Variants in ZHX3 observed in about 807,000 individuals in gnomAD.
ZHX3 encodes zinc fingers and homeoboxes protein 3.
A neutral mutation model predicts 64.5 loss-of-function variants in ZHX3; 20 were observed. That is an observed-to-expected ratio of 0.31 (90% CI 0.22 to 0.45). The LOEUF is 0.45. Ranked by LOEUF, ZHX3 falls within the 20% of genes least tolerant of loss-of-function variation. The probability of loss-of-function intolerance (pLI) is 1.00; values close to 1 mark genes in which losing one functional copy is unlikely to be tolerated. For missense variants in ZHX3, 1,041 were observed against 1,195.8 expected (o/e 0.87, Z 1.91); for synonymous variants, 423 against 461.6 (o/e 0.92, Z 1.07).
chr20:41,263,530 G>A (rs960209783), intron 2 of ZHX3, among the ~76,000 whole-genome samples: 3 of 151,838 alleles, frequency 2.0e-5, no homozygotes, highest in African/African-American at 7.3e-5. Context: ...GAGTAGCTGG[G>A]ACTACACGTG....
At position 41,224,564 on chromosome 20, in the gene ZHX3, C is replaced by A. The variant is rs770914229; in HGVS notation, c.-150-19498G>T. 6.6e-6 allele frequency among the ~76,000 whole-genome samples: 1 copy of A among 152,148 alleles called. No individual in the cohort carries two copies. Among genetic ancestry groups the A allele is most frequent in the Non-Finnish European group, 1.5e-5 (1 of 68,014 alleles). ...CATCCTATTACCATGACTAATACAA[C>A]CAAAAACTGAGCTAGATACAAGTTC... On this transcript the variant is annotated intron_variant, in intron 2 of 3. Coordinates refer to ENST00000683867, the MANE Select transcript of ZHX3 (RefSeq NM_001384317.1). This position sits in a 1 kb window ranked among gnomAD's most constrained non-coding sequence, Gnocchi z 5.2.
At chr20:41,215,513 T>C (rs1438490022) in intron 2 of ZHX3, among the ~76,000 whole-genome samples, 1 of 152,002 alleles carries the variant, frequency 6.6e-6, no homozygotes, top group Admixed American at 6.5e-5. Flanking sequence ...GAGGAATGAA[T>C]TGGAAGAACA....
At chr20:41,281,511 A>T (rs969919163) in intron 1 of ZHX3, among the ~76,000 whole-genome samples, 3 of 152,242 alleles carry the variant, frequency 2.0e-5, no homozygotes, top group African/African-American at 7.2e-5. Context: ...GAAAGAAAAA[A>T]GATATAATGT....
At chr20:41,221,739 A>C (rs1242564952) in intron 2 of ZHX3, among the ~76,000 whole-genome samples, 1 of 152,244 alleles carries the variant, frequency 6.6e-6, no homozygotes, top group Non-Finnish European at 1.5e-5. Flanking sequence ...ACTGGAGCCA[A>C]TACTCAGAGG....
intron 1 of ZHX3, among the ~76,000 whole-genome samples, chr20:41,270,045 A>G (rs920720381): frequency 6.6e-6 from 1 of 152,230 alleles, no homozygotes; most frequent in African/African-American, 2.4e-5. Flanking sequence ...GGTTGATTCT[A>G]TATTCTAATC....
chr20:41,201,994 C>T lies in ZHX3; in HGVS notation c.2860+63G>A. ...GCCCCTGTGCAGTAAATTCAGTGCCCAACCATAAGTGCCTCCTCCCCTTAC... is the reference window on the plus strand; with the variant it reads ...GCCCCTGTGCAGTAAATTCAGTGCCTAACCATAAGTGCCTCCTCCCCTTAC... On this transcript the variant is annotated intron_variant, in intron 3 of 3. Coordinates refer to ENST00000683867, the MANE Select transcript of ZHX3 (RefSeq NM_001384317.1). The surrounding 1 kb of genome is among the most constrained non-coding windows in gnomAD (Gnocchi z 5.0). The T allele has an allele frequency of 6.7e-7, 1 of 1,497,476 alleles. No homozygotes were observed. Among genetic ancestry groups the T allele is most frequent in the Non-Finnish European group, 8.9e-7 (1 of 1,123,658 alleles). 92.8% of individuals were successfully genotyped at this position (1,497,476 alleles called of 1,614,324 possible).
At chr20:41,213,582 G>T (rs1159174734) in intron 2 of ZHX3, among the ~76,000 whole-genome samples, 1 of 152,184 alleles carries the variant, frequency 6.6e-6, no homozygotes, top group Non-Finnish European at 1.5e-5. Context: ...GAGCACACCA[G>T]AAGGCCAGGC....
intron 3 of ZHX3, among the ~76,000 whole-genome samples, chr20:41,189,158 G>A (rs899392817): frequency 7.2e-5 from 11 of 152,086 alleles, no homozygotes; most frequent in African/African-American, 2.4e-4. Context: ...GTAAATATGT[G>A]GCTTTATTTC....
intron 2 of ZHX3, among the ~76,000 whole-genome samples, chr20:41,245,808 T>C (rs1422070027): frequency 3.3e-5 from 5 of 152,186 alleles, no homozygotes; most frequent in African/African-American, 1.2e-4. Flanking sequence ...ATCTTAAGAT[T>C]GAGATACTTT....
intron 2 of ZHX3, among the ~76,000 whole-genome samples, chr20:41,257,930 A>T (rs1210665712): frequency 1.5e-5 from 2 of 130,366 alleles, no homozygotes; most frequent in East Asian, 2.1e-4. Context: ...TTTGAGACGG[A>T]GTTTTGCTCT....
At chr20:41,301,137 A>G (rs2044787480) in intron 1 of ZHX3, among the ~76,000 whole-genome samples, 1 of 152,178 alleles carries the variant, frequency 6.6e-6, no homozygotes, top group Admixed American at 6.5e-5. Flanking sequence ...AAGAACAGGG[A>G]GTGAGCTAAC....
intron 2 of ZHX3, among the ~76,000 whole-genome samples, chr20:41,264,385 C>CAAAAAAAAA (rs1165922837): frequency 0.014 from 947 of 69,686 alleles, no homozygotes; most frequent in Non-Finnish European, 0.016. Flanking sequence ...ACCAAAAATA[C>CAAAAAAAAA]AAAAAAAAAA....
At chr20:41,261,177 G>A (rs531060174) in intron 2 of ZHX3, among the ~76,000 whole-genome samples, 10 of 151,988 alleles carry the variant, frequency 6.6e-5, no homozygotes, top group African/African-American at 2.4e-4. Flanking sequence ...AGAAGGAAGA[G>A]AGAAAAAAAA....
At chr20:41,305,771 G>A (rs1004398791) in intron 1 of ZHX3, among the ~76,000 whole-genome samples, 4 of 151,874 alleles carry the variant, frequency 2.6e-5, no homozygotes, top group African/African-American at 4.8e-5. Context: ...GTGACAGAGC[G>A]AGACTCTGTC....
rs186061456 is a variant in ZHX3 at position 41,246,599 on chromosome 20, G to A, written c.-151+22391C>T. On this transcript the variant is annotated intron_variant, in intron 2 of 3. Coordinates refer to ENST00000683867, the MANE Select transcript of ZHX3 (RefSeq NM_001384317.1). ...ATTAATACTAATACCTAGGCCAGGC[G>A]CAGTGGCTCACACCTGTAATCCCAG... 9.2e-5 allele frequency among the ~76,000 whole-genome samples: 14 copies of A among 152,152 alleles called. No homozygotes were observed. In the East Asian group the frequency reaches 1.4e-3, roughly 15 times the overall value.
chr20:41,198,931 T>C (rs1180372465), intron 3 of ZHX3, among the ~76,000 whole-genome samples: 3 of 152,150 alleles, frequency 2.0e-5, no homozygotes, highest in Admixed American at 6.5e-5. Context: ...ATTTTTTTTC[T>C]TTCTTCTCCT....
chr20:41,242,731 C>T (rs1169834070), intron 2 of ZHX3, among the ~76,000 whole-genome samples: 1 of 152,146 alleles, frequency 6.6e-6, no homozygotes. Flanking sequence ...TGTGGACAGA[C>T]TTCTATTCTG....
At chr20:41,257,636 G>A (rs1247802944) in intron 2 of ZHX3, among the ~76,000 whole-genome samples, 2 of 143,842 alleles carry the variant, frequency 1.4e-5, no homozygotes, top group Admixed American at 1.4e-4. Flanking sequence ...TTTTGAGACA[G>A]AGTCTCACTC....
chr20:41,269,191 A>C (rs2043006494), intron 1 of ZHX3, 108 bp from the exon 2 acceptor site: 1 of 152,240 alleles, frequency 6.6e-6, no homozygotes, highest in South Asian at 2.1e-4. Context: ...AGAACTATAC[A>C]TAAACAGAAA....
Sources: allele counts gnomAD v4.1 joint callset (sites outside exome capture counted in the v4.1 genomes callset), GRCh38; gene constraint gnomAD v4.1.1; non-coding constraint Gnocchi (gnomAD v3.1); transcripts MANE v1.5; gene names NCBI Gene and HGNC (gene_info 2026-07-23, HGNC 2026-07-21).